Variants in STK32B observed in about 807,000 individuals in gnomAD.
The protein encoded by STK32B is serine/threonine-protein kinase 32B.
STK32B carries 43 observed loss-of-function variants against 52.6 expected under a neutral mutation model. That is an observed-to-expected ratio of 0.82 (90% confidence interval 0.64 to 1.05). The LOEUF (loss-of-function observed/expected upper bound fraction) is 1.05, where lower values mean the gene tolerates loss of function less well. Ranked by LOEUF, STK32B falls within the 50% of genes least tolerant of loss-of-function variation. The pLI, the probability that STK32B is intolerant of heterozygous loss-of-function variation, is 0.00. For synonymous variants in STK32B, 238 were observed against 204.3 expected, an observed-to-expected ratio of 1.17 and a Z score of -1.41; for missense variants, 621 against 534.6, an observed-to-expected ratio of 1.16 and a Z score of -1.59.
intron 3 of STK32B, among the ~76,000 whole-genome samples, chr4:5,175,301 C>G (rs1367163241): frequency 6.6e-6 from 1 of 152,166 alleles, no homozygotes; most frequent in Non-Finnish European, 1.5e-5. Flanking sequence ...CTTCTCTCAA[C>G]TCGTCAAAGT....
intron 3 of STK32B, among the ~76,000 whole-genome samples, chr4:5,234,567 G>C (rs989600702): frequency 6.6e-6 from 1 of 152,186 alleles, no homozygotes; most frequent in African/African-American, 2.4e-5. Flanking sequence ...AACTATATAG[G>C]CTTATGAACT....
intron 3 of STK32B, among the ~76,000 whole-genome samples, chr4:5,240,905 CTT>C (rs746829980): frequency 6.6e-6 from 1 of 152,162 alleles, no homozygotes; most frequent in Non-Finnish European, 1.5e-5. Context: ...TATTTGGTCT[CTT>C]TGTCTATCCT....
chr4:5,254,160 T>C (rs59737345), intron 3 of STK32B, among the ~76,000 whole-genome samples: 16,013 of 152,256 alleles, frequency 0.11, 1,248 homozygotes, highest in African/African-American at 0.22. Context: ...AGGTATGTTT[T>C]TCTAGAATTT....
At chr4:5,238,589 G>A (rs1577228711) in intron 3 of STK32B, among the ~76,000 whole-genome samples, 1 of 152,340 alleles carries the variant, frequency 6.6e-6, no homozygotes, top group African/African-American at 2.4e-5. Context: ...TCCTCTTAAA[G>A]GGATTGTTTA....
At chr4:5,118,509 C>T (rs1235678483) in intron 1 of STK32B, among the ~76,000 whole-genome samples, 2 of 152,232 alleles carry the variant, frequency 1.3e-5, no homozygotes, top group Non-Finnish European at 2.9e-5. Context: ...AGCTTCTCAT[C>T]AGGCATGGCT....
intron 3 of STK32B, among the ~76,000 whole-genome samples, chr4:5,290,225 C>A (rs1577299861): frequency 6.6e-6 from 1 of 152,118 alleles, no homozygotes; most frequent in Admixed American, 6.5e-5. Flanking sequence ...GTTTTACTTT[C>A]TTCAATAATA....
intron 3 of STK32B, among the ~76,000 whole-genome samples, chr4:5,289,057 G>A (rs1182988122): frequency 6.6e-6 from 1 of 152,120 alleles, no homozygotes; most frequent in Non-Finnish European, 1.5e-5. Flanking sequence ...TTGGGCTATT[G>A]CAGCACTGTG....
At chr4:5,293,330 G>A (rs546431648) in intron 3 of STK32B, among the ~76,000 whole-genome samples, 1 of 152,094 alleles carries the variant, frequency 6.6e-6, no homozygotes, top group South Asian at 2.1e-4. Flanking sequence ...GGGTCAAATG[G>A]TATTTTTGGT....
chr4:5,055,743 C>T (rs912333768), intron 1 of STK32B, among the ~76,000 whole-genome samples: 3 of 152,096 alleles, frequency 2.0e-5, no homozygotes, highest in African/African-American at 7.2e-5. Flanking sequence ...CCCTCTTGCC[C>T]GAGGGCATCT....
intron 1 of STK32B, among the ~76,000 whole-genome samples, chr4:5,100,466 A>C (rs887777085): frequency 1.6e-4 from 13 of 83,552 alleles, no homozygotes; most frequent in East Asian, 3.7e-4. Flanking sequence ...CCCTTCCTTC[A>C]TTCCTTCTTT....
At chr4:5,160,021 T>A (rs900722684) in intron 2 of STK32B, among the ~76,000 whole-genome samples, 8 of 151,986 alleles carry the variant, frequency 5.3e-5, no homozygotes, top group Non-Finnish European at 1.0e-4. Context: ...AGTCCATCCA[T>A]ATTACAGAGG....
At chr4:5,438,751 C>T (rs960278070) in intron 6 of STK32B, among the ~76,000 whole-genome samples, 6 of 152,224 alleles carry the variant, frequency 3.9e-5, no homozygotes, top group African/African-American at 9.6e-5. Flanking sequence ...ATCCCTCCTC[C>T]CTCCCCACAC....
rs1733575605 is a variant in STK32B, at chr4:5,347,935, C to T, written c.434+16542C>T. Among the ~76,000 whole-genome samples the T allele has an allele frequency of 2.0e-5, 3 of 152,190 alleles. No individual in the cohort carries two copies. In the South Asian group the frequency reaches 6.2e-4, roughly 32 times the overall value. ...TTCTTAAAAAAATAAATTACCCAGT[C>T]TTAAGTAGTTCTTTATAGCAGCATG... On this transcript the variant is annotated intron_variant, in intron 4 of 11. Transcript: ENST00000282908.
At chr4:5,325,526 T>C (rs1016125846) in intron 3 of STK32B, among the ~76,000 whole-genome samples, 2 of 152,192 alleles carry the variant, frequency 1.3e-5, no homozygotes, top group African/African-American at 4.8e-5. Flanking sequence ...ATCTTTGTCT[T>C]CCTTATTTTT....
intron 2 of STK32B, among the ~76,000 whole-genome samples, chr4:5,142,032 C>T (rs536252778): frequency 9.8e-4 from 149 of 152,320 alleles, no homozygotes; most frequent in African/African-American, 3.4e-3. Context: ...AGGGAAGCAT[C>T]TTCCATCTTC....
At chr4:5,074,421 C>T (rs1389216627) in intron 1 of STK32B, among the ~76,000 whole-genome samples, 1 of 151,886 alleles carries the variant, frequency 6.6e-6, no homozygotes, top group Non-Finnish European at 1.5e-5. Context: ...ATGCCTTTGT[C>T]CACTGTATTT....
At chr4:5,183,469 C>A (rs1240953077) in intron 3 of STK32B, among the ~76,000 whole-genome samples, 1 of 149,388 alleles carries the variant, frequency 6.7e-6, no homozygotes, top group Admixed American at 6.7e-5. Flanking sequence ...AAGAGCAAAA[C>A]TCCATCTCAA....
chr4:5,171,841 G>T (rs1231765722), intron 3 of STK32B, among the ~76,000 whole-genome samples: 1 of 151,010 alleles, frequency 6.6e-6, no homozygotes, highest in African/African-American at 2.4e-5. Flanking sequence ...CCAATTCTGT[G>T]AAGAAAGTCA....
intron 3 of STK32B, among the ~76,000 whole-genome samples, chr4:5,235,756 C>G (rs888038323): frequency 6.6e-6 from 1 of 152,206 alleles, no homozygotes; most frequent in Non-Finnish European, 1.5e-5. Context: ...CCCAGCAGCA[C>G]TTCAGATGCT....
Sources: allele counts gnomAD v4.1 joint callset (sites outside exome capture counted in the v4.1 genomes callset), GRCh38; gene constraint gnomAD v4.1.1; transcripts MANE v1.5; gene names NCBI Gene and HGNC (gene_info 2026-07-23, HGNC 2026-07-21).